The following ARHGEF1 variants were observed in gnomAD, a reference collection of about 807,000 sequenced individuals.
ARHGEF1 encodes Rho guanine nucleotide exchange factor 1, also known as 115 kDa guanine nucleotide exchange factor.
In ARHGEF1, 40 loss-of-function variants were observed where a neutral mutation model predicts 119.7. That is an observed-to-expected ratio of 0.33 (90% CI 0.26 to 0.44). The LOEUF is 0.44. Ranked by LOEUF, ARHGEF1 falls within the 20% of genes least tolerant of loss-of-function variation. ARHGEF1 has a pLI of 1.00. For missense variants in ARHGEF1, 976 were observed against 1,268.3 expected (o/e 0.77, Z 3.50); for synonymous variants, 494 against 521.0 (o/e 0.95, Z 0.71).
intron 13 of ARHGEF1, chr19:41,897,402 G>T (rs1287125035): frequency 9.1e-7 from 1 of 1,099,440 alleles, no homozygotes; most frequent in Non-Finnish European, 1.2e-6. Context: ...TCTCCCCATG[G>T]CCACTCCCTC....
In ARHGEF1 at chr19:41,906,752, G is replaced by T. The variant is rs782591074; in HGVS notation, c.2705G>T (p.Gly902Val). 6.2e-6 allele frequency: 10 copies of T among 1,611,706 alleles called. No homozygotes were observed. The highest frequency in any genetic ancestry group is 1.6e-4 in the Middle Eastern group (1 of 6,070). Residue 902 changes from glycine (G) to valine (V), a missense_variant, in exon 28 of 29, where the codon GGG (glycine) becomes GTG (valine). Gly to Val is a moderately radical substitution (Grantham distance 109, BLOSUM62 -3). Transcript: ENST00000354532. This position sits in a 1 kb window ranked among gnomAD's most constrained non-coding sequence, Gnocchi z 4.5. Reference sequence around the variant, plus strand: ...CTGAGACCCCTCCTGTCTCAGCTTGGGGGGAACTCTGTCCCCCAGCCTGGC... The same window carrying T: ...CTGAGACCCCTCCTGTCTCAGCTTGTGGGGAACTCTGTCCCCCAGCCTGGC... Reference protein sequence around the residue: ...CRLRPLLSQLGGNSVPQPGCT With the variant: ...CRLRPLLSQLVGNSVPQPGCT
At chr19:41,907,485 G>A, downstream of ARHGEF1, 9 of 1,383,060 alleles carry the variant, frequency 6.5e-6, no homozygotes, top group Non-Finnish European at 8.7e-6. Context: ...GTGGGGCCTG[G>A]CATGGCGTCT....
intron 13 of ARHGEF1, chr19:41,898,098 C>T: frequency 7.2e-7 from 1 of 1,379,944 alleles, no homozygotes; most frequent in South Asian, 1.7e-5. Context: ...GTGCTTGGCC[C>T]TGCCCGACGA....
At position 41,905,095 on chromosome 19, in the gene ARHGEF1, A is replaced by G; in HGVS notation, c.2249+59A>G. Reference sequence around the variant, plus strand: ...AGGACGCCCAGGTTTCTGGGTTCCCAGGGACAGGAGGGCTGTGGGGAGGCC... The same window carrying G: ...AGGACGCCCAGGTTTCTGGGTTCCCGGGGACAGGAGGGCTGTGGGGAGGCC... On this transcript the variant is annotated intron_variant, in intron 23 of 28. Transcript: ENST00000354532. The surrounding 1 kb of genome is among the most constrained non-coding windows in gnomAD (Gnocchi z 6.4). 1 of 1,611,308 alleles carries G rather than the reference A, an allele frequency of 6.2e-7. No individual in the cohort carries two copies. Among genetic ancestry groups the G allele is most frequent in the Non-Finnish European group, 8.5e-7 (1 of 1,177,520 alleles).
Position 41,888,835 on chromosome 19 carries a change from C to T in ARHGEF1, c.195C>T (p.His65=), listed in dbSNP as rs782688571. The T allele has an allele frequency of 4.3e-6, 7 of 1,613,546 alleles. No individual in the cohort carries two copies. The highest frequency in any genetic ancestry group is 1.1e-5 in the South Asian group (1 of 91,076). ...CCCACCTCATGGCCCTCCTGCAGCA[C>T]GTGGCCCTGCAGTTTGAGCCAGGAC... ...RPAHLMALLQ[H]VALQFEPGPL... Residue 65 remains histidine, a synonymous_variant, in exon 4 of 29, where the codon CAC becomes CAT. Transcript: ENST00000354532. The surrounding 1 kb of genome is among the most constrained non-coding windows in gnomAD (Gnocchi z 5.1).
At chr19:41,908,928 C>G, downstream of ARHGEF1, 1 of 520,412 alleles carries the variant, frequency 1.9e-6, no homozygotes, top group Non-Finnish European at 2.9e-6. This position sits in a 1 kb window ranked among gnomAD's most constrained non-coding sequence, Gnocchi z 6.7. Context: ...CTGGGTTTTA[C>G]ACACACACAC....
At chr19:41,908,702 C>G, downstream of ARHGEF1, 1 of 1,194,600 alleles carries the variant, frequency 8.4e-7, no homozygotes, top group South Asian at 4.2e-5. This position sits in a 1 kb window ranked among gnomAD's most constrained non-coding sequence, Gnocchi z 6.7. Context: ...GTAGGTCAGG[C>G]TGGGGCACCT....
intron 1 of ARHGEF1, among the ~76,000 whole-genome samples, chr19:41,925,720 G>A (rs1386057898): frequency 2.6e-5 from 4 of 152,112 alleles, no homozygotes; most frequent in Non-Finnish European, 5.9e-5. Flanking sequence ...CAGGTACGGG[G>A]GAATCCTTGG....
Position 41,892,026 on chromosome 19 carries a change from T to C in ARHGEF1, c.227T>C (p.Leu76Pro), listed in dbSNP as rs2074385031. 6.2e-7 allele frequency: 1 copy of C among 1,604,662 alleles called. No individual in the cohort carries two copies. ...VALQFEPGPL[L>P]CCLHADMLGS... ...AGTCATGCTGTGTGTCTCCCCCAGC[T>C]TTGCTGTCTGCATGCCGACATGCTG... Residue 76 changes from leucine (L) to proline (P), a missense_variant and splice_region_variant, in exon 5 of 29, where the codon CTT (leucine) becomes CCT (proline). Physicochemically the swap from Leu to Pro is moderately conservative, Grantham distance 98. Around this residue, in one of 3 missense-constraint regions of ARHGEF1, gnomAD observed 519 missense variants for 580.9 expected, o/e 0.89. Transcript: ENST00000354532. This position sits in a 1 kb window ranked among gnomAD's most constrained non-coding sequence, Gnocchi z 6.3.
chr19:41,910,118 G>A (rs1555851121), downstream of ARHGEF1: 1 of 1,600,892 alleles, frequency 6.2e-7, no homozygotes, highest in African/African-American at 1.3e-5. This position sits in a 1 kb window ranked among gnomAD's most constrained non-coding sequence, Gnocchi z 4.4. Context: ...GAGGCAGGGA[G>A]TGGCCTGGGG....
downstream of ARHGEF1, chr19:41,908,619 G>A (rs2074733286): frequency 8.1e-7 from 1 of 1,231,618 alleles, no homozygotes; most frequent in South Asian, 4.1e-5. This position sits in a 1 kb window ranked among gnomAD's most constrained non-coding sequence, Gnocchi z 6.7. Context: ...GGGGTACTCA[G>A]GGAAGGCGCG....
upstream of ARHGEF1, among the ~76,000 whole-genome samples, chr19:41,919,453 C>T (rs1555852236): frequency 6.6e-6 from 1 of 152,074 alleles, no homozygotes; most frequent in African/African-American, 2.4e-5. Flanking sequence ...TATGAACCAA[C>T]ACTCAAGCTG....
intron 18 of ARHGEF1, among the ~76,000 whole-genome samples, chr19:41,915,032 G>A (rs1255342243): frequency 4.5e-4 from 34 of 76,208 alleles, no homozygotes; most frequent in South Asian, 1.9e-3. Context: ...CCTGTCCCGC[G>A]TCTCTCCAGC....
Position 41,905,860 on chromosome 19 carries a change from G to C in ARHGEF1, c.2404+33G>C. 1 of 1,614,028 alleles carries C rather than the reference G, an allele frequency of 6.2e-7. No individual in the cohort carries two copies. Among genetic ancestry groups the C allele is most frequent in the Non-Finnish European group, 8.5e-7 (1 of 1,179,922 alleles). Reference sequence around the variant, plus strand: ...CAGAGGGATGCTGGGTGAGGGGCCAGGTTGGGGCTGCCGGGTGAAGAGAGG... The same window carrying C: ...CAGAGGGATGCTGGGTGAGGGGCCACGTTGGGGCTGCCGGGTGAAGAGAGG... On this transcript the variant is annotated intron_variant, in intron 25 of 28. Coordinates refer to ENST00000354532, the MANE Select transcript of ARHGEF1 (RefSeq NM_004706.4). The surrounding 1 kb of genome is among the most constrained non-coding windows in gnomAD (Gnocchi z 6.4).
At chr19:41,907,514 C>G (rs150485999), downstream of ARHGEF1, 172 of 1,044,216 alleles carry the variant, frequency 1.6e-4, no homozygotes, top group Non-Finnish European at 2.3e-4. Context: ...CTGTGACTGT[C>G]TGGCGTTGAC....
In ARHGEF1 at chr19:41,914,600, CTGT is replaced by C. The variant is rs1555851600; in HGVS notation, c.1865+7798_1865+7800del. 1.6e-4 allele frequency among the ~76,000 whole-genome samples: 13 copies of C among 82,216 alleles called. 4 individuals carry two copies. Among genetic ancestry groups the C allele is most frequent in the Non-Finnish European group, 3.1e-4 (13 of 41,828 alleles). The allele number at this position is 82,216 out of a possible 152,430, so 53.9% of individuals were successfully genotyped here. The stretch of plus-strand genomic sequence containing the variant: ...GTCTCTCCCTCCCTTTCCACCATCT[CTGT>C]CTCTCCCTCCCCTTCCACCATCTCT... On this transcript the variant is annotated intron_variant, in intron 18 of 20. Transcript: ENST00000599589.
chr19:41,905,442 A>T lies in ARHGEF1; in HGVS notation c.2336+181A>T, dbSNP rs11881291. The T allele has an allele frequency of 1.6e-6, 1 of 627,764 alleles. No individual in the cohort carries two copies. The highest frequency in any genetic ancestry group is 2.7e-6 in the Non-Finnish European group (1 of 364,636). The allele number at this position is 627,764 out of a possible 1,614,324, so 38.9% of individuals were successfully genotyped here. On this transcript the variant is annotated intron_variant, in intron 24 of 28. Coordinates refer to ENST00000354532, the MANE Select transcript of ARHGEF1 (RefSeq NM_004706.4). The surrounding 1 kb of genome is among the most constrained non-coding windows in gnomAD (Gnocchi z 6.4). ...CTGTGCGTGCATATATAGTGTGTGT[A>T]TGCATGCATGTGTGCGTGTGCATGT...
rs886503794 is a variant in ARHGEF1, at chr19:41,905,713, C to G, written c.2337-47C>G. On this transcript the variant is annotated intron_variant, in intron 24 of 28. Coordinates refer to ENST00000354532, the MANE Select transcript of ARHGEF1 (RefSeq NM_004706.4). The surrounding 1 kb of genome is among the most constrained non-coding windows in gnomAD (Gnocchi z 6.4). ...CTCTCTGTCTCCCTGCCCCTGCGGC[C>G]CCCCAGGGCCAGGGGTGTGGGGTCA... The G allele has an allele frequency of 4.4e-6, 7 of 1,599,460 alleles. No individual in the cohort carries two copies. In the African/African-American group the frequency reaches 8.0e-5, roughly 18 times the overall value.
At position 41,902,067 on chromosome 19, in the gene ARHGEF1, C is replaced by A; in HGVS notation, c.1414+34C>A. 1 of 1,605,268 alleles carries A rather than the reference C, an allele frequency of 6.2e-7. No individual in the cohort carries two copies. The highest frequency in any genetic ancestry group is 1.1e-5 in the South Asian group (1 of 90,086). On this transcript the variant is annotated intron_variant, in intron 15 of 28. Transcript: ENST00000354532. The surrounding 1 kb of genome is among the most constrained non-coding windows in gnomAD (Gnocchi z 6.5). ...AGAGCCAGGGTCCCTCTGTGTACCCCACTGCCCCACGGGCAGCTCTGCTCT... is the reference window on the plus strand; with the variant it reads ...AGAGCCAGGGTCCCTCTGTGTACCCAACTGCCCCACGGGCAGCTCTGCTCT...
Sources: gnomAD v4.1 joint callset for allele counts (sites outside exome capture counted in the v4.1 genomes callset) on GRCh38, gnomAD v4.1.1 for gene constraint, gnomAD v4.1.1 regional missense constraint, Gnocchi (gnomAD v3.1) non-coding constraint, MANE v1.5 for transcripts, NCBI Gene and HGNC (gene_info 2026-07-23, HGNC 2026-07-21) for gene names.